The following MSL2 variants were observed in gnomAD, a reference collection of about 807,000 sequenced individuals.
The protein encoded by MSL2 is E3 ubiquitin-protein ligase MSL2.
A neutral mutation model predicts 35.8 loss-of-function variants in MSL2; 2 were observed. The observed-to-expected ratio is 0.06, with a 90% confidence interval of 0.02 to 0.18. MSL2 has a LOEUF of 0.18. Among genes scored for constraint, MSL2 ranks in the 10% least tolerant of loss-of-function variants. The pLI, the probability that MSL2 is intolerant of heterozygous loss-of-function variation, is 1.00. For missense variants in MSL2, 523 were observed against 706.7 expected (o/e 0.74, Z 2.95); for synonymous variants, 296 against 255.7 (o/e 1.16, Z -1.50).
chr3:136,174,046 C>T (rs1448849935), intron 1 of MSL2, among the ~76,000 whole-genome samples: 4 of 152,202 alleles, frequency 2.6e-5, no homozygotes, highest in Non-Finnish European at 5.9e-5. Context: ...ATTAACCTCC[C>T]TCAATCTGTT....
At position 136,151,874 on chromosome 3, in the gene MSL2, G is replaced by C; in HGVS notation, c.1007C>G (p.Ala336Gly). The C allele has an allele frequency of 6.2e-7, 1 of 1,614,114 alleles. No homozygotes were observed. The highest frequency in any genetic ancestry group is 1.7e-5 in the Admixed American group (1 of 60,012). The change falls in exon 2 of 2, where the codon GCA becomes GGA. Residue 336 changes from alanine to glycine, a missense_variant. Physicochemically the swap from Ala to Gly is moderately conservative, Grantham distance 60 (BLOSUM62 0). This residue lies in a region of MSL2 where 361 missense variants were observed against 414.6 expected (regional missense o/e 0.87). Coordinates refer to ENST00000309993, the MANE Select transcript of MSL2 (RefSeq NM_018133.4). This position sits in a 1 kb window ranked among gnomAD's most constrained non-coding sequence, Gnocchi z 5.2. Reference protein sequence around the residue: ...LSCTAATPKIAKLNRKRSRSE... With the variant: ...LSCTAATPKIGKLNRKRSRSE... ...TCTGGATCGTTTTCTATTCAATTTTGCTATCTTCGGAGTTGCTGCTGTACA... is the reference window on the plus strand; with the variant it reads ...TCTGGATCGTTTTCTATTCAATTTTCCTATCTTCGGAGTTGCTGCTGTACA...
chr3:136,171,493 G>T (rs1576365813), intron 1 of MSL2, among the ~76,000 whole-genome samples: 1 of 152,170 alleles, frequency 6.6e-6, no homozygotes. Context: ...TTCAGCCAAG[G>T]ATGATTCCCA....
At chr3:136,184,996 A>G (rs1035149321) in intron 1 of MSL2, among the ~76,000 whole-genome samples, 2 of 151,808 alleles carry the variant, frequency 1.3e-5, no homozygotes, top group Non-Finnish European at 1.5e-5. Flanking sequence ...TTTTTTTGAG[A>G]CTGAGTCTTG....
chr3:136,155,828 ATG>A (rs1160516634), intron 1 of MSL2: 11 of 577,314 alleles, frequency 1.9e-5, no homozygotes, highest in Admixed American at 9.4e-5. Context: ...GAACTGTTCT[ATG>A]TGTAAATGCT....
intron 1 of MSL2, among the ~76,000 whole-genome samples, chr3:136,164,553 T>G (rs1353044484): frequency 6.6e-6 from 1 of 152,186 alleles, no homozygotes; most frequent in Admixed American, 6.5e-5. Context: ...TCCAATGATG[T>G]GAGAAATAGA....
chr3:136,161,548 T>C (rs1465976995), intron 1 of MSL2, among the ~76,000 whole-genome samples: 6 of 152,224 alleles, frequency 3.9e-5, no homozygotes, highest in African/African-American at 1.4e-4. Context: ...AAAGTATTGG[T>C]ACATGCCACA....
chr3:136,175,293 G>A (rs1259916483), intron 1 of MSL2, among the ~76,000 whole-genome samples: 10 of 151,232 alleles, frequency 6.6e-5, no homozygotes, highest in East Asian at 3.9e-4. Flanking sequence ...GCAGTGAGCC[G>A]AGATCGCGCC....
At chr3:136,182,748 T>C (rs1273604672) in intron 1 of MSL2, among the ~76,000 whole-genome samples, 1 of 148,272 alleles carries the variant, frequency 6.7e-6, no homozygotes, top group African/African-American at 2.5e-5. Context: ...AAGTCCAGAG[T>C]GGTGTACCAG....
chr3:136,158,136 A>G (rs1442802006), intron 1 of MSL2, among the ~76,000 whole-genome samples: 1 of 151,944 alleles, frequency 6.6e-6, no homozygotes, highest in Non-Finnish European at 1.5e-5. Context: ...ACATGGAGAA[A>G]CCCCATCTCT....
Position 136,150,288 on chromosome 3 carries a change from A to C in MSL2, c.*859T>G, listed in dbSNP as rs907998241. Reference sequence around the variant, plus strand: ...GCCAGTGGCAATAAGTACAATACACAAATCTGGGCAAGTCTGGGAGCATTA... The same window carrying C: ...GCCAGTGGCAATAAGTACAATACACCAATCTGGGCAAGTCTGGGAGCATTA... On this transcript the variant is annotated 3_prime_UTR_variant, in exon 2 of 2. Transcript: ENST00000309993. The C allele has an allele frequency of 1.3e-5, 2 of 152,294 alleles. No homozygotes were observed. The highest frequency in any genetic ancestry group is 4.8e-5 in the African/African-American group (2 of 41,464). The allele number at this position is 152,294 out of a possible 1,614,324, so 9.4% of individuals were successfully genotyped here.
chr3:136,190,411 C>T (rs1225502683), intron 1 of MSL2, among the ~76,000 whole-genome samples: 3 of 152,046 alleles, frequency 2.0e-5, no homozygotes, highest in African/African-American at 7.2e-5. Flanking sequence ...AATTAGCCAA[C>T]CACGTGTGGT....
chr3:136,163,363 A>T lies in MSL2; in HGVS notation c.143-10625T>A, dbSNP rs553253760. ...TAATCTTAAATGTGTATTTCCTAGCACTATGTGTGTGTGTATTTCCTAGCA... is the reference window on the plus strand; with the variant it reads ...TAATCTTAAATGTGTATTTCCTAGCTCTATGTGTGTGTGTATTTCCTAGCA... On this transcript the variant is annotated intron_variant, in intron 1 of 1. Coordinates refer to ENST00000309993, the MANE Select transcript of MSL2 (RefSeq NM_018133.4). Among the ~76,000 whole-genome samples the T allele has an allele frequency of 1.4e-3, 210 of 152,316 alleles. 2 individuals carry two copies. The highest frequency in any genetic ancestry group is 4.4e-3 in the African/African-American group (184 of 41,566).
chr3:136,172,794 T>C (rs1224711621), intron 1 of MSL2, among the ~76,000 whole-genome samples: 1 of 152,100 alleles, frequency 6.6e-6, no homozygotes, highest in Non-Finnish European at 1.5e-5. Context: ...AAAGTACAAA[T>C]TGTTGTTCAG....
chr3:136,179,911 C>G (rs951732316), intron 1 of MSL2, among the ~76,000 whole-genome samples: 1 of 151,974 alleles, frequency 6.6e-6, no homozygotes, highest in African/African-American at 2.4e-5. Context: ...ACTAAAAATA[C>G]AAAAACTAGC....
intron 1 of MSL2, among the ~76,000 whole-genome samples, chr3:136,161,181 T>C (rs1293903733): frequency 1.3e-5 from 2 of 152,174 alleles, no homozygotes; most frequent in South Asian, 2.1e-4. Flanking sequence ...GCCCACCCAT[T>C]AGAATGGCTA....
intron 1 of MSL2, among the ~76,000 whole-genome samples, chr3:136,158,713 T>C (rs755703706): frequency 5.3e-5 from 8 of 151,712 alleles, no homozygotes; most frequent in Non-Finnish European, 4.4e-5. Context: ...TTACAGAAAA[T>C]CTCAAAAAAC....
intron 1 of MSL2, among the ~76,000 whole-genome samples, chr3:136,156,344 G>C (rs1939520650): frequency 6.6e-6 from 1 of 152,142 alleles, no homozygotes; most frequent in African/African-American, 2.4e-5. Context: ...GAAATGGGAA[G>C]CAAATGGGAG....
intron 1 of MSL2, among the ~76,000 whole-genome samples, chr3:136,158,110 G>A (rs1437506315): frequency 1.3e-5 from 2 of 152,036 alleles, no homozygotes; most frequent in Non-Finnish European, 2.9e-5. Context: ...TGGGGAGTTC[G>A]AGACCAGCCT....
chr3:136,179,194 T>C (rs890006501), intron 1 of MSL2, among the ~76,000 whole-genome samples: 2 of 151,994 alleles, frequency 1.3e-5, no homozygotes, highest in African/African-American at 4.8e-5. Flanking sequence ...GTTCACTTTT[T>C]TCTTTTTTAA....
Sources: gnomAD v4.1 joint callset for allele counts (sites outside exome capture counted in the v4.1 genomes callset) on GRCh38, gnomAD v4.1.1 for gene constraint, gnomAD v4.1.1 regional missense constraint, Gnocchi (gnomAD v3.1) non-coding constraint, MANE v1.5 for transcripts, NCBI Gene and HGNC (gene_info 2026-07-23, HGNC 2026-07-21) for gene names.